The following ZNF385D variants were observed in gnomAD, a reference collection of about 807,000 sequenced individuals.
ZNF385D encodes the protein zinc finger protein 659.
In ZNF385D, 15 loss-of-function variants were observed where a neutral mutation model predicts 35.8. That is an observed-to-expected ratio of 0.42 (90% CI 0.28 to 0.64). The LOEUF is 0.64. ZNF385D is among the 30% of genes least tolerant of loss of function. ZNF385D has a pLI of 0.23. For synonymous variants in ZNF385D, 212 were observed against 186.8 expected (o/e 1.13, Z -1.10); for missense variants, 474 against 494.6 (o/e 0.96, Z 0.39).
chr3:21,754,570 T>C (rs544835968), upstream of ZNF385D, among the ~76,000 whole-genome samples: 10 of 152,300 alleles, frequency 6.6e-5, no homozygotes, highest in South Asian at 1.9e-3. Context: ...CCTCATCTCA[T>C]TCAAATATTG....
rs941533556 is a variant in ZNF385D at position 21,770,684 on chromosome 3, T to C, written c.326-105656A>G. ...ACCATTGCGGAAGACAGTGTGGTTATTCCTCAGGGATCTAGAACTAGAAAT... is the reference window on the plus strand; with the variant it reads ...ACCATTGCGGAAGACAGTGTGGTTACTCCTCAGGGATCTAGAACTAGAAAT... On this transcript the variant is annotated intron_variant, in intron 3 of 5. Transcript: ENST00000494108. Among the ~76,000 whole-genome samples the C allele has an allele frequency of 3.9e-5, 6 of 152,294 alleles. No individual in the cohort carries two copies. The South Asian group carries it at 8.3e-4, about 21-fold the overall frequency.
chr3:22,355,736 A>T (rs1696119842), intron 2 of ZNF385D, among the ~76,000 whole-genome samples: 1 of 152,050 alleles, frequency 6.6e-6, no homozygotes, highest in South Asian at 2.1e-4. Flanking sequence ...TATGGAATTA[A>T]ATCATCTATA....
At chr3:21,849,800 G>A (rs531177373) in intron 3 of ZNF385D, 16 of 150,478 alleles carry the variant, frequency 1.1e-4, no homozygotes, top group African/African-American at 2.7e-4. Flanking sequence ...TGTTTTTTGC[G>A]GGGGACAAGA....
intron 3 of ZNF385D, among the ~76,000 whole-genome samples, chr3:21,857,430 G>A (rs1024130435): frequency 6.6e-6 from 1 of 152,000 alleles, no homozygotes; most frequent in Admixed American, 6.6e-5. Flanking sequence ...AGTTTTAAGA[G>A]ATTTTTTGTT....
intron 4 of ZNF385D, among the ~76,000 whole-genome samples, chr3:21,459,933 C>G (rs942760193): frequency 2.0e-5 from 3 of 152,178 alleles, no homozygotes; most frequent in Admixed American, 6.5e-5. Flanking sequence ...CCAGACTGAT[C>G]ACTTACAACC....
At chr3:21,555,303 G>A (rs191702509) in intron 3 of ZNF385D, among the ~76,000 whole-genome samples, 13 of 151,600 alleles carry the variant, frequency 8.6e-5, no homozygotes, top group Admixed American at 1.3e-4. Flanking sequence ...TGCTATGGTG[G>A]TTTGCTGCAC....
At chr3:22,022,387 A>G (rs1472781496) in intron 3 of ZNF385D, among the ~76,000 whole-genome samples, 1 of 152,108 alleles carries the variant, frequency 6.6e-6, no homozygotes, top group African/African-American at 2.4e-5. Context: ...TGCTGAAAAG[A>G]TCAGCTCTAA....
intron 2 of ZNF385D, among the ~76,000 whole-genome samples, chr3:22,217,364 C>T (rs1697953294): frequency 1.3e-5 from 2 of 152,118 alleles, no homozygotes; most frequent in South Asian, 4.1e-4. Flanking sequence ...GAACTGTGAA[C>T]ACAAACTTCT....
At chr3:21,492,775 A>AT (rs1705530361) in intron 4 of ZNF385D, among the ~76,000 whole-genome samples, 1 of 135,124 alleles carries the variant, frequency 7.4e-6, no homozygotes, top group Non-Finnish European at 1.6e-5. Flanking sequence ...ACTCTGTTTC[A>AT]AAAATAAATA....
chr3:21,649,306 G>C (rs1335357615), intron 2 of ZNF385D, among the ~76,000 whole-genome samples: 1 of 152,120 alleles, frequency 6.6e-6, no homozygotes, highest in Non-Finnish European at 1.5e-5. Context: ...TGATGTTTTA[G>C]AAGAAAAAGA....
chr3:22,254,162 A>C (rs146349317), intron 2 of ZNF385D, among the ~76,000 whole-genome samples: 2,227 of 151,980 alleles, frequency 0.015, 71 homozygotes, highest in South Asian at 0.083. Flanking sequence ...AGAAAGGGAA[A>C]TTCTCCTTTA....
chr3:21,960,368 A>C (rs561207055), intron 3 of ZNF385D, among the ~76,000 whole-genome samples: 6 of 152,244 alleles, frequency 3.9e-5, no homozygotes, highest in African/African-American at 1.4e-4. Flanking sequence ...GGGAAATACA[A>C]ATCAAAACTA....
At chr3:22,175,811 A>G (rs1694790338) in intron 2 of ZNF385D, among the ~76,000 whole-genome samples, 1 of 150,896 alleles carries the variant, frequency 6.6e-6, no homozygotes, top group South Asian at 2.1e-4. Flanking sequence ...GAATACATAT[A>G]TATATAAATC....
rs1220297588 is a variant in ZNF385D, at chr3:22,184,103, G to C, written c.107-15068C>G. On this transcript the variant is annotated intron_variant, in intron 2 of 5. Transcript: ENST00000494108. ...TTTACTTACAGTAGTGGTACAAAAA[G>C]CAAGGATTATCAAAGTGTGCTGACT... 2.0e-5 allele frequency among the ~76,000 whole-genome samples: 3 copies of C among 152,246 alleles called. No individual in the cohort carries two copies. In the South Asian group the frequency reaches 6.2e-4, roughly 32 times the overall value.
chr3:22,318,531 G>C (rs1027525326), intron 2 of ZNF385D, among the ~76,000 whole-genome samples: 2 of 152,184 alleles, frequency 1.3e-5, no homozygotes. Context: ...AAATGTTTCT[G>C]ATTGAGAGAG....
At chr3:22,068,369 C>A (rs1027163111) in intron 3 of ZNF385D, among the ~76,000 whole-genome samples, 1 of 152,158 alleles carries the variant, frequency 6.6e-6, no homozygotes, top group Admixed American at 6.5e-5. Context: ...CCTTCATGAG[C>A]ATTAAAACCC....
chr3:22,362,212 A>G (rs1225178718), intron 2 of ZNF385D, among the ~76,000 whole-genome samples: 1 of 151,888 alleles, frequency 6.6e-6, no homozygotes, highest in Non-Finnish European at 1.5e-5. Context: ...ATTTAAATTA[A>G]GAACACATGT....
At chr3:21,969,685 G>T (rs918812473) in intron 3 of ZNF385D, among the ~76,000 whole-genome samples, 5 of 152,030 alleles carry the variant, frequency 3.3e-5, no homozygotes, top group African/African-American at 1.2e-4. Context: ...CTTATTGTAG[G>T]GTCCTTGGGC....
At chr3:21,651,324 A>G (rs1478494613) in intron 2 of ZNF385D, among the ~76,000 whole-genome samples, 1 of 150,940 alleles carries the variant, frequency 6.6e-6, no homozygotes, top group Non-Finnish European at 1.5e-5. Flanking sequence ...AGGTGAAGAA[A>G]AAGTCTAAGG....
Sources: gnomAD v4.1 joint callset for allele counts (sites outside exome capture counted in the v4.1 genomes callset) on GRCh38, gnomAD v4.1.1 for gene constraint, MANE v1.5 for transcripts, NCBI Gene and HGNC (gene_info 2026-07-23, HGNC 2026-07-21) for gene names.